Variants in ENY2 observed in about 807,000 individuals in gnomAD.
The protein encoded by ENY2 is ENY2 transcription and export complex 2 subunit, also known as transcription and mRNA export factor ENY2.
A neutral mutation model predicts 15.9 loss-of-function variants in ENY2; 4 were observed. The observed-to-expected ratio is 0.25, with a 90% CI of 0.12 to 0.57. The LOEUF is 0.57. ENY2 is among the 20% of genes least tolerant of loss of function. ENY2 has a pLI of 0.91. For missense variants in ENY2, 54 were observed against 117.2 expected, an observed-to-expected ratio of 0.46 and a Z score of 2.49; for synonymous variants, 48 against 38.0, an observed-to-expected ratio of 1.26 and a Z score of -0.97.
rs1179752520 is a variant in ENY2, at chr8:109,345,148, C to G, written c.*1667C>G. ...GTTGCTAAAACATTCAGACATCCCT[C>G]TGACTTAGATCCCCCACTACTGTTT... is the stretch of plus-strand genomic sequence containing the variant. On this transcript the variant is annotated 3_prime_UTR_variant, in exon 5 of 5. Coordinates refer to ENST00000521688, the MANE Select transcript of ENY2 (RefSeq NM_020189.6). 2.6e-5 allele frequency: 4 copies of G among 152,202 alleles called. No homozygotes were observed. The highest frequency in any genetic ancestry group is 9.6e-5 in the African/African-American group (4 of 41,454). The allele number at this position is 152,202 out of a possible 1,614,324, so 9.4% of individuals were successfully genotyped here. A position where few individuals can be genotyped will look rare whatever the true frequency, so the allele number is the denominator to read the frequency against.
chr8:109,336,753 C>G (rs1563691382), intron 2 of ENY2, among the ~76,000 whole-genome samples: 9 of 152,188 alleles, frequency 5.9e-5, no homozygotes, highest in Non-Finnish European at 2.9e-5. Flanking sequence ...CCAGTATAAT[C>G]TAAGTTCTTT....
chr8:109,335,118 C>G (rs558036593), intron 1 of ENY2: 1 of 152,168 alleles, frequency 6.6e-6, no homozygotes, highest in African/African-American at 2.4e-5. Context: ...CTTTCAAAAC[C>G]TAACTTTCCT....
At position 109,343,518 on chromosome 8, in the gene ENY2, G is replaced by C. The variant is rs1271855404; in HGVS notation, c.*37G>C. 1 of 1,558,292 alleles carries C rather than the reference G, an allele frequency of 6.4e-7. No individual in the cohort carries two copies. The highest frequency in any genetic ancestry group is 1.4e-5 in the African/African-American group (1 of 72,464). ...ATTGTGTTGTTGTGGTTTTATTTCT[G>C]AAAGTAAAACTTGCCATAAATTAGA... On this transcript the variant is annotated 3_prime_UTR_variant, in exon 5 of 5. Coordinates refer to ENST00000521688, the MANE Select transcript of ENY2 (RefSeq NM_020189.6).
At chr8:109,342,068 T>G (rs1356896242) in intron 4 of ENY2, among the ~76,000 whole-genome samples, 1 of 152,214 alleles carries the variant, frequency 6.6e-6, no homozygotes, top group East Asian at 1.9e-4. Context: ...TTATTTGATT[T>G]GTATAACTTT....
At chr8:109,338,980 T>A in intron 2 of ENY2, 1 of 221,818 alleles carries the variant, frequency 4.5e-6, no homozygotes, top group Non-Finnish European at 8.9e-6. Context: ...AGTTAATACT[T>A]TCTAGATGTT....
intron 2 of ENY2, among the ~76,000 whole-genome samples, chr8:109,337,750 A>C (rs1563691730): frequency 6.6e-6 from 1 of 152,094 alleles, no homozygotes; most frequent in Non-Finnish European, 1.5e-5. Context: ...GAAAATACAA[A>C]AATTAGCCAT....
chr8:109,339,113 G>T, intron 2 of ENY2: 1 of 575,522 alleles, frequency 1.7e-6, no homozygotes, highest in South Asian at 2.2e-5. Context: ...CTCATTAAAT[G>T]AGACCCAGAT....
chr8:109,337,355 GTT>G (rs59215219), intron 2 of ENY2, among the ~76,000 whole-genome samples: 18 of 147,840 alleles, frequency 1.2e-4, no homozygotes, highest in Admixed American at 3.4e-4. Context: ...ATTGTATGTT[GTT>G]TTTTTTTTTT....
Position 109,334,402 on chromosome 8 carries a change from G to A in ENY2, c.-67G>A. 6.2e-7 allele frequency: 1 copy of A among 1,611,540 alleles called. No homozygotes were observed. Among genetic ancestry groups the A allele is most frequent in the Non-Finnish European group, 8.5e-7 (1 of 1,178,546 alleles). ...CTAAGTCCGGGCAGCCGAAGAGTGT[G>A]GTAGGTAACGGTCCTCAGCGCAAGG... On this transcript the variant is annotated 5_prime_UTR_variant, in exon 1 of 5. Coordinates refer to ENST00000521688, the MANE Select transcript of ENY2 (RefSeq NM_020189.6).
At chr8:109,342,382 G>A (rs1476572453) in intron 4 of ENY2, among the ~76,000 whole-genome samples, 5 of 150,650 alleles carry the variant, frequency 3.3e-5, no homozygotes, top group Non-Finnish European at 5.9e-5. Context: ...CCAACACAAT[G>A]TTGCCAACAG....
At chr8:109,342,839 ATGAT>A in intron 4 of ENY2, 1 of 558,230 alleles carries the variant, frequency 1.8e-6, no homozygotes, top group Admixed American at 3.1e-5. Flanking sequence ...ATTTTTGCCT[ATGAT>A]TGGTAAAATA....
rs533041003 is a variant in ENY2, at chr8:109,343,532, C to T, written c.*51C>T. The T allele has an allele frequency of 6.6e-7, 1 of 1,514,288 alleles. No individual in the cohort carries two copies. Among genetic ancestry groups the T allele is most frequent in the Non-Finnish European group, 9.0e-7 (1 of 1,109,874 alleles). 93.8% of individuals were successfully genotyped at this position (1,514,288 alleles called of 1,614,324 possible). ...GTTTTATTTCTGAAAGTAAAACTTG[C>T]CATAAATTAGAAAACAATTTCCCAA... On this transcript the variant is annotated 3_prime_UTR_variant, in exon 5 of 5. Coordinates refer to ENST00000521688, the MANE Select transcript of ENY2 (RefSeq NM_020189.6).
At chr8:109,339,186 C>G (rs1393101348) in intron 2 of ENY2, 134 bp from the exon 3 acceptor site, 1 of 686,226 alleles carries the variant, frequency 1.5e-6, no homozygotes, top group African/African-American at 1.8e-5. Context: ...GCATTTGAAC[C>G]AAGATTAGGC....
chr8:109,335,374 T>C (rs1815944517), intron 1 of ENY2: 1 of 150,576 alleles, frequency 6.6e-6, no homozygotes, highest in South Asian at 2.1e-4. Flanking sequence ...TTTTTTTTTT[T>C]TTTTTTGAGA....
chr8:109,343,544 A>C lies in ENY2; in HGVS notation c.*63A>C. The C allele has an allele frequency of 6.8e-7, 1 of 1,465,036 alleles. No individual in the cohort carries two copies. Among genetic ancestry groups the C allele is most frequent in the Non-Finnish European group, 9.4e-7 (1 of 1,062,236 alleles). 90.8% of individuals were successfully genotyped at this position (1,465,036 alleles called of 1,614,324 possible). A position where few individuals can be genotyped will look rare whatever the true frequency, so the allele number is the denominator to read the frequency against. On this transcript the variant is annotated 3_prime_UTR_variant, in exon 5 of 5. Transcript: ENST00000521688. ...AAAGTAAAACTTGCCATAAATTAGAAAACAATTTCCCAAAATAAAATCCTT... is the reference window on the plus strand; with the variant it reads ...AAAGTAAAACTTGCCATAAATTAGACAACAATTTCCCAAAATAAAATCCTT...
rs1374775952 is a variant in ENY2 at position 109,343,970 on chromosome 8, C to T, written c.*489C>T. On this transcript the variant is annotated 3_prime_UTR_variant, in exon 5 of 5. Coordinates refer to ENST00000521688, the MANE Select transcript of ENY2 (RefSeq NM_020189.6). ...ATCTTTATGTGCCTTCCTTATGCTT[C>T]AAAGAATTTACCATCTAATGGAAGA... The T allele has an allele frequency of 6.6e-6, 1 of 152,302 alleles. No homozygotes were observed. The highest frequency in any genetic ancestry group is 2.4e-5 in the African/African-American group (1 of 41,434). The allele number at this position is 152,302 out of a possible 1,614,324, so 9.4% of individuals were successfully genotyped here.
In ENY2 at chr8:109,344,298, A is replaced by C. The variant is rs1177593662; in HGVS notation, c.*817A>C. On this transcript the variant is annotated 3_prime_UTR_variant, in exon 5 of 5. Coordinates refer to ENST00000521688, the MANE Select transcript of ENY2 (RefSeq NM_020189.6). The stretch of plus-strand genomic sequence containing the variant: ...TGGAAGTTCCTTCTGTTTCTTGTGG[A>C]GTACCTTTTGCTGTCTGGGACTTGT... 1.3e-5 allele frequency: 2 copies of C among 152,208 alleles called. No homozygotes were observed. The highest frequency in any genetic ancestry group is 4.8e-5 in the African/African-American group (2 of 41,426). 9.4% of individuals were successfully genotyped at this position (152,208 alleles called of 1,614,324 possible).
chr8:109,335,323 T>C (rs1299639884), intron 1 of ENY2: 1 of 152,084 alleles, frequency 6.6e-6, no homozygotes, highest in Non-Finnish European at 1.5e-5. Context: ...GCAAAACACT[T>C]AGAGCCTTAT....
intron 4 of ENY2, 196 bp downstream of exon 4, chr8:109,340,759 T>A: frequency 1.7e-6 from 1 of 605,972 alleles, no homozygotes; most frequent in Non-Finnish European, 2.9e-6. Flanking sequence ...TCAGTGTTCT[T>A]GTACTCTAGA....
Sources: allele counts gnomAD v4.1 joint callset (sites outside exome capture counted in the v4.1 genomes callset), GRCh38; gene constraint gnomAD v4.1.1; transcripts MANE v1.5; gene names NCBI Gene and HGNC (gene_info 2026-07-23, HGNC 2026-07-21).